Variants in ADGRB3 observed in about 807,000 individuals in gnomAD.
ADGRB3 encodes the protein brain-specific angiogenesis inhibitor 3.
Under a neutral mutation model 193.4 loss-of-function variants are expected in ADGRB3, and 37 were observed. That is an observed-to-expected ratio of 0.19 (90% CI 0.15 to 0.25). The LOEUF is 0.25. Ranked by LOEUF, ADGRB3 falls within the 10% of genes least tolerant of loss-of-function variation. The pLI is 1.00. For missense variants in ADGRB3, 1,637 were observed against 1,852.9 expected, an observed-to-expected ratio of 0.88 and a Z score of 2.14; for synonymous variants, 690 against 644.2, an observed-to-expected ratio of 1.07 and a Z score of -1.08.
chr6:69,208,107 G>A (rs1317998781), intron 17 of ADGRB3, among the ~76,000 whole-genome samples: 1 of 152,182 alleles, frequency 6.6e-6, no homozygotes, highest in Non-Finnish European at 1.5e-5. Context: ...CCATGTTGCT[G>A]AGCCCATGCG....
At chr6:68,859,972 T>G (rs1765106331) in intron 3 of ADGRB3, among the ~76,000 whole-genome samples, 2 of 152,066 alleles carry the variant, frequency 1.3e-5, no homozygotes, top group African/African-American at 4.8e-5. Context: ...AAATAATTAT[T>G]CCATAACATA....
intron 17 of ADGRB3, among the ~76,000 whole-genome samples, chr6:69,163,786 T>G (rs1775059380): frequency 6.6e-6 from 1 of 152,268 alleles, no homozygotes. Flanking sequence ...CAGAATTATC[T>G]TGCATTCGTT....
intron 3 of ADGRB3, among the ~76,000 whole-genome samples, chr6:68,905,669 A>G (rs1268996778): frequency 6.6e-6 from 1 of 152,114 alleles, no homozygotes; most frequent in African/African-American, 2.4e-5. Flanking sequence ...CTACAGCTCT[A>G]AGTAGAAATG....
intron 20 of ADGRB3, among the ~76,000 whole-genome samples, chr6:69,324,169 T>C (rs963784004): frequency 1.3e-5 from 2 of 152,164 alleles, no homozygotes; most frequent in African/African-American, 4.8e-5. Flanking sequence ...GTGATTAAGT[T>C]ACGTGAAGAA....
intron 3 of ADGRB3, among the ~76,000 whole-genome samples, chr6:68,735,980 G>A (rs1765863616): frequency 6.6e-6 from 1 of 152,032 alleles, no homozygotes; most frequent in Admixed American, 6.6e-5. Flanking sequence ...ACTTAAAATA[G>A]CTTACCAATC....
At chr6:68,930,814 T>A in intron 4 of ADGRB3, 145 bp downstream of exon 4, 1 of 612,534 alleles carries the variant, frequency 1.6e-6, no homozygotes, top group Non-Finnish European at 2.8e-6. Context: ...TTAAAGTCCA[T>A]AAATAAAGTA....
chr6:68,641,095 G>A (rs975783565), intron 3 of ADGRB3, among the ~76,000 whole-genome samples: 1 of 152,100 alleles, frequency 6.6e-6, no homozygotes, highest in Non-Finnish European at 1.5e-5. Flanking sequence ...TTACAAACTG[G>A]CTAATAAACC....
Position 68,639,019 on chromosome 6 carries a change from A to G in ADGRB3, c.344A>G (p.Lys115Arg), listed in dbSNP as rs1768016121. 3 of 1,613,280 alleles carry G rather than the reference A, an allele frequency of 1.9e-6. No individual in the cohort carries two copies. Among genetic ancestry groups the G allele is most frequent in the Non-Finnish European group, 2.5e-6 (3 of 1,179,836 alleles). Residue 115 changes from lysine to arginine, a missense_variant, in exon 3 of 32, where the codon AAG (lysine) becomes AGG (arginine). Lys to Arg is a conservative substitution (Grantham distance 26). Coordinates refer to ENST00000370598, the MANE Select transcript of ADGRB3 (RefSeq NM_001704.3). ...NHSIMQLCNSKNAFVFLQYDK... is the reference protein window; with the variant it reads ...NHSIMQLCNSRNAFVFLQYDK... ...TCTATAATGCAACTCTGCAATTCCA[A>G]GAATGCTTTCGTTTTTCTACAGTAT...
chr6:69,385,389 G>C (rs969021817), intron 31 of ADGRB3, among the ~76,000 whole-genome samples: 1 of 151,912 alleles, frequency 6.6e-6, no homozygotes, highest in African/African-American at 2.4e-5. Flanking sequence ...GAGGGAGGGA[G>C]GGACTTATCC....
At chr6:68,974,011 T>C (rs1562106519) in intron 8 of ADGRB3, among the ~76,000 whole-genome samples, 1 of 152,228 alleles carries the variant, frequency 6.6e-6, no homozygotes, top group Admixed American at 6.5e-5. Flanking sequence ...CAAATTGGTA[T>C]ATTTTTACTG....
At chr6:69,204,606 CA>C (rs1765497144) in intron 17 of ADGRB3, among the ~76,000 whole-genome samples, 1 of 152,134 alleles carries the variant, frequency 6.6e-6, no homozygotes. Flanking sequence ...CCAATACCAT[CA>C]TTTGAAAAAT....
At chr6:69,267,542 C>CAAAGTA (rs79274716) in intron 20 of ADGRB3, among the ~76,000 whole-genome samples, 7,535 of 152,130 alleles carry the variant, frequency 0.05, 225 homozygotes, top group Non-Finnish European at 0.072. Flanking sequence ...AGGGAAAATA[C>CAAAGTA]AAAGTAATAT....
At chr6:68,846,270 A>T (rs763199792) in intron 3 of ADGRB3, among the ~76,000 whole-genome samples, 23 of 152,212 alleles carry the variant, frequency 1.5e-4, no homozygotes, top group South Asian at 6.2e-4. Context: ...TAGAGCATAA[A>T]AATTTGGAAA....
chr6:68,947,647 ATAATT>A (rs1232787401), intron 6 of ADGRB3, among the ~76,000 whole-genome samples: 10 of 152,126 alleles, frequency 6.6e-5, no homozygotes, highest in Admixed American at 5.2e-4. Flanking sequence ...ACCTTTTAAT[ATAATT>A]GTGTCACTCA....
rs1440217916 is a variant in ADGRB3, at chr6:69,361,265, G to T, written c.3992G>T (p.Gly1331Val). 6.2e-7 allele frequency: 1 copy of T among 1,612,744 alleles called. No homozygotes were observed. Among genetic ancestry groups the T allele is most frequent in the African/African-American group, 1.3e-5 (1 of 74,952 alleles). The change falls in exon 29 of 32, where the codon GGC becomes GTC. Residue 1331 changes from glycine (G) to valine (V), a missense_variant. Transcript: ENST00000370598. ...SMKEESKMNI[G>V]METLPHERLL... The stretch of plus-strand genomic sequence containing the variant: ...AAAGAAGAAAGCAAAATGAATATTG[G>T]CATGGAAACCTTGCCGCATGAAAGG...
intron 13 of ADGRB3, among the ~76,000 whole-genome samples, chr6:69,027,251 T>C (rs909022838): frequency 1.3e-5 from 2 of 151,942 alleles, no homozygotes; most frequent in Non-Finnish European, 2.9e-5. Context: ...AAGACATGAA[T>C]TCACACATTA....
intron 17 of ADGRB3, among the ~76,000 whole-genome samples, chr6:69,120,790 C>A (rs907511968): frequency 1.3e-5 from 2 of 151,952 alleles, no homozygotes; most frequent in Admixed American, 1.3e-4. Flanking sequence ...TGAAGTTTTC[C>A]TCGAGCTTTA....
At chr6:68,939,396 C>T (rs1767575975) in intron 5 of ADGRB3, among the ~76,000 whole-genome samples, 1 of 152,044 alleles carries the variant, frequency 6.6e-6, no homozygotes, top group African/African-American at 2.4e-5. Context: ...GAACTGCATA[C>T]CAATTACTAG....
chr6:69,098,234 G>A (rs1019779469), intron 17 of ADGRB3, among the ~76,000 whole-genome samples: 2 of 152,228 alleles, frequency 1.3e-5, no homozygotes, highest in Admixed American at 1.3e-4. Flanking sequence ...CATTGCACCT[G>A]GCCCTGTTTT....
Sources: gnomAD v4.1 joint callset for allele counts (sites outside exome capture counted in the v4.1 genomes callset) on GRCh38, gnomAD v4.1.1 for gene constraint, MANE v1.5 for transcripts, NCBI Gene and HGNC (gene_info 2026-07-23, HGNC 2026-07-21) for gene names.